ASIC2: variants seen among roughly 807,000 people sequenced by gnomAD.
ASIC2 encodes acid-sensing ion channel 2.
In ASIC2, 25 loss-of-function variants were observed where a neutral mutation model predicts 57.3. The ratio of observed to expected loss-of-function variants is 0.44; its 90% confidence interval spans 0.32 to 0.61. ASIC2 has a LOEUF of 0.61. Ranked by LOEUF, ASIC2 falls within the 20% of genes least tolerant of loss-of-function variation. The probability of loss-of-function intolerance (pLI) is 0.06; values close to 1 mark genes in which losing one functional copy is unlikely to be tolerated. For synonymous variants in ASIC2, 319 were observed against 307.5 expected (o/e 1.04, Z -0.39); for missense variants, 641 against 738.1 (o/e 0.87, Z 1.52).
chr17:33,906,761 A>T (rs1049103203), intron 1 of ASIC2, among the ~76,000 whole-genome samples: 3 of 152,168 alleles, frequency 2.0e-5, no homozygotes, highest in Non-Finnish European at 4.4e-5. Flanking sequence ...GTGAAAAAGG[A>T]TCTGACATCA....
chr17:33,810,411 G>C (rs956094204), intron 1 of ASIC2, among the ~76,000 whole-genome samples: 1 of 152,328 alleles, frequency 6.6e-6, no homozygotes, highest in East Asian at 1.9e-4. Flanking sequence ...CAGAATGTGT[G>C]GGGGTGGGCA....
At chr17:33,238,531 G>A (rs1005889795) in intron 1 of ASIC2, among the ~76,000 whole-genome samples, 3 of 152,134 alleles carry the variant, frequency 2.0e-5, no homozygotes, top group East Asian at 1.9e-4. Flanking sequence ...TGCCTACAAC[G>A]GCCTGCCATC....
chr17:33,542,028 C>G (rs1915427667), intron 1 of ASIC2, among the ~76,000 whole-genome samples: 1 of 152,236 alleles, frequency 6.6e-6, no homozygotes, highest in East Asian at 1.9e-4. Context: ...ACAACAAGAC[C>G]AATGAATGCA....
intron 1 of ASIC2, among the ~76,000 whole-genome samples, chr17:33,949,235 A>G (rs964790336): frequency 1.3e-5 from 2 of 152,150 alleles, no homozygotes; most frequent in African/African-American, 2.4e-5. Flanking sequence ...TGATTGTGCC[A>G]TGTCTTTTGG....
At chr17:33,851,634 T>A (rs1461428625) in intron 1 of ASIC2, among the ~76,000 whole-genome samples, 1 of 152,232 alleles carries the variant, frequency 6.6e-6, no homozygotes, top group Non-Finnish European at 1.5e-5. Context: ...TCAGCACTCT[T>A]GATACTTTGT....
At chr17:33,988,831 T>G (rs192691749) in intron 1 of ASIC2, among the ~76,000 whole-genome samples, 3 of 152,022 alleles carry the variant, frequency 2.0e-5, no homozygotes, top group Non-Finnish European at 4.4e-5. Context: ...TCTTAGACAG[T>G]GACTGGTTGG....
intron 1 of ASIC2, among the ~76,000 whole-genome samples, chr17:33,905,068 A>G (rs981038827): frequency 4.7e-5 from 7 of 148,484 alleles, no homozygotes; most frequent in Middle Eastern, 3.5e-3. Context: ...AATGTTTCTT[A>G]TGGAATAAAA....
intron 1 of ASIC2, among the ~76,000 whole-genome samples, chr17:33,838,924 G>A (rs1397734391): frequency 6.6e-6 from 1 of 152,188 alleles, no homozygotes; most frequent in African/African-American, 2.4e-5. Context: ...AGATTTTAAT[G>A]TGCATGCAAA....
chr17:33,649,323 T>A (rs577651664), intron 1 of ASIC2, among the ~76,000 whole-genome samples: 28 of 152,252 alleles, frequency 1.8e-4, no homozygotes, highest in African/African-American at 6.5e-4. Flanking sequence ...AAAAATAAAA[T>A]AATTACAATC....
intron 1 of ASIC2, among the ~76,000 whole-genome samples, chr17:33,763,262 G>A (rs2142114125): frequency 6.6e-6 from 1 of 152,296 alleles, no homozygotes; most frequent in East Asian, 1.9e-4. Flanking sequence ...TATGTGCTCA[G>A]TAAATATCTG....
At chr17:33,827,051 C>T (rs912548089) in intron 1 of ASIC2, among the ~76,000 whole-genome samples, 17 of 152,206 alleles carry the variant, frequency 1.1e-4, no homozygotes, top group African/African-American at 3.6e-4. Flanking sequence ...ATGAGGGTTT[C>T]TTCTGTATGT....
At chr17:33,372,872 T>TTGGCCAGGCC (rs1909131235) in intron 1 of ASIC2, among the ~76,000 whole-genome samples, 1 of 152,198 alleles carries the variant, frequency 6.6e-6, no homozygotes, top group African/African-American at 2.4e-5. Flanking sequence ...AAGGACAGGC[T>TTGGCCAGGCC]TGGCCAGGCC....
chr17:33,390,249 G>T (rs1567845412), intron 1 of ASIC2, among the ~76,000 whole-genome samples: 1 of 151,902 alleles, frequency 6.6e-6, no homozygotes, highest in South Asian at 2.1e-4. Context: ...GGAGCCGGAG[G>T]TTGCAGTGAG....
intron 1 of ASIC2, among the ~76,000 whole-genome samples, chr17:33,708,677 C>G (rs1042605561): frequency 1.3e-5 from 2 of 152,094 alleles, no homozygotes; most frequent in African/African-American, 4.8e-5. Context: ...AAAAGAGGAG[C>G]CTCATCCAGC....
chr17:33,073,361 G>A (rs1044076408), intron 3 of ASIC2, among the ~76,000 whole-genome samples: 8 of 152,184 alleles, frequency 5.3e-5, no homozygotes, highest in African/African-American at 1.4e-4. Context: ...AGAAGGCTCT[G>A]GTCCCTTTGC....
intron 1 of ASIC2, among the ~76,000 whole-genome samples, chr17:33,264,493 T>C (rs1476293994): frequency 1.3e-5 from 2 of 152,234 alleles, no homozygotes; most frequent in East Asian, 3.8e-4. Context: ...GCACAGGGAA[T>C]GAAATGCAAG....
intron 1 of ASIC2, among the ~76,000 whole-genome samples, chr17:33,905,621 G>C (rs188616710): frequency 6.6e-6 from 1 of 152,188 alleles, no homozygotes; most frequent in African/African-American, 2.4e-5. Context: ...GTTTGAACCT[G>C]TAGATAGAGA....
chr17:33,976,028 T>C (rs967433858), intron 1 of ASIC2, among the ~76,000 whole-genome samples: 5 of 152,002 alleles, frequency 3.3e-5, no homozygotes, highest in African/African-American at 1.2e-4. Context: ...CCTCCCCTTT[T>C]TAAACTTCTC....
At chr17:33,283,004 G>A (rs1905018747) in intron 1 of ASIC2, among the ~76,000 whole-genome samples, 1 of 152,130 alleles carries the variant, frequency 6.6e-6, no homozygotes, top group Non-Finnish European at 1.5e-5. Context: ...ATCTTTAAGG[G>A]GCCATCATTC....
Sources: gnomAD v4.1 joint callset for allele counts (sites outside exome capture counted in the v4.1 genomes callset) on GRCh38, gnomAD v4.1.1 for gene constraint, MANE v1.5 for transcripts, NCBI Gene and HGNC (gene_info 2026-07-23, HGNC 2026-07-21) for gene names.